ODAPH: variants seen among roughly 807,000 people sequenced by gnomAD.
ODAPH encodes the protein amelogenesis imperfecta type IIA4.
ODAPH carries 2 observed loss-of-function variants against 2.8 expected under a neutral mutation model. That is an observed-to-expected ratio of 0.72 (90% CI 0.30 to 2.28). The LOEUF (loss-of-function observed/expected upper bound fraction) is 2.28. ODAPH is among the 30% of genes most tolerant of loss of function. The pLI is 0.13. For missense variants in ODAPH, 159 were observed against 163.3 expected (o/e 0.97, Z 0.14); for synonymous variants, 75 against 60.3 (o/e 1.24, Z -1.13).
chr4:75,561,772 A>G (rs887690411), intron 1 of ODAPH, among the ~76,000 whole-genome samples: 11 of 150,280 alleles, frequency 7.3e-5, no homozygotes, highest in African/African-American at 2.7e-4. Flanking sequence ...ACTTGAACCC[A>G]GGAGGTGGAG....
rs144794509 is a variant in ODAPH, at chr4:75,564,015, A to G, written c.68-99A>G. Reference sequence around the variant, plus strand: ...TTCAAATATACATTGAGATTTCTCTAATTCTCTCTTCCCATCTTTCTCCTC... The same window carrying G: ...TTCAAATATACATTGAGATTTCTCTGATTCTCTCTTCCCATCTTTCTCCTC... On this transcript the variant is annotated intron_variant, in intron 1 of 1. Transcript: ENST00000311623. 1.1e-3 allele frequency: 1,142 copies of G among 1,042,674 alleles called. 6 individuals carry two copies. In the African/African-American group the frequency reaches 0.016, roughly 15 times the overall value. The allele number at this position is 1,042,674 out of a possible 1,614,324, so 64.6% of individuals were successfully genotyped here.
chr4:75,564,926 G>A (rs746961001), downstream of ODAPH: 6 of 200,120 alleles, frequency 3.0e-5, no homozygotes, highest in Non-Finnish European at 6.1e-5. Context: ...CAATTAAAAA[G>A]TTATGAGGAG....
rs755570735 is a variant in ODAPH at position 75,556,125 on chromosome 4, T to C, written c.43T>C (p.Trp15Arg). The C allele has an allele frequency of 1.6e-5, 26 of 1,614,218 alleles. 2 individuals carry two copies. In the South Asian group the frequency reaches 2.6e-4, roughly 16 times the overall value. ...CTTCTCCTACTGGTTACTGGTATGC[T>C]GGTTGGTGGTAACTGTGGCAGAAGG... ...HCFSYWLLVC[W>R]LVVTVAEGQE... is the part of the protein sequence containing the mutation. Residue 15 changes from tryptophan to arginine, a missense_variant, in exon 1 of 2, where the codon TGG becomes CGG. By Grantham distance (101) the Trp-to-Arg change is moderately radical. Coordinates refer to ENST00000311623, the MANE Select transcript of ODAPH (RefSeq NM_178497.5).
intron 1 of ODAPH, 83 bp downstream of exon 1, chr4:75,556,232 G>T: frequency 7.6e-7 from 1 of 1,307,986 alleles, no homozygotes. Flanking sequence ...ATGATTATAC[G>T]TTCCCATAAA....
At chr4:75,558,513 A>T (rs1727434529) in intron 1 of ODAPH, among the ~76,000 whole-genome samples, 1 of 82,444 alleles carries the variant, frequency 1.2e-5, no homozygotes, top group Non-Finnish European at 2.6e-5. Flanking sequence ...AGGTAATTAT[A>T]AAAAAAAAAA....
chr4:75,561,640 A>G (rs1193482233), intron 1 of ODAPH, among the ~76,000 whole-genome samples: 1 of 152,156 alleles, frequency 6.6e-6, no homozygotes, highest in Non-Finnish European at 1.5e-5. Flanking sequence ...TGAGGTCAGG[A>G]GTTTGAGACC....
chr4:75,562,015 A>G (rs1298852809), intron 1 of ODAPH, among the ~76,000 whole-genome samples: 2 of 152,126 alleles, frequency 1.3e-5, no homozygotes, highest in Non-Finnish European at 2.9e-5. Context: ...CTGACACTCC[A>G]GCCCCTGCCC....
rs777519994 is a variant in ODAPH, at chr4:75,564,556, G to T, written c.*117G>T. On this transcript the variant is annotated 3_prime_UTR_variant, in exon 2 of 2. Coordinates refer to ENST00000311623, the MANE Select transcript of ODAPH (RefSeq NM_178497.5). The stretch of plus-strand genomic sequence containing the variant: ...TAAAACTATTGGATTTGAAGATTAA[G>T]TATCCTAAACATCACTGACTAGAAA... 3.2e-6 allele frequency: 5 copies of T among 1,581,952 alleles called. No homozygotes were observed. In the African/African-American group the frequency reaches 6.7e-5, roughly 21 times the overall value.
chr4:75,560,358 G>C (rs909685063), intron 1 of ODAPH, among the ~76,000 whole-genome samples: 1 of 152,158 alleles, frequency 6.6e-6, no homozygotes, highest in African/African-American at 2.4e-5. Flanking sequence ...GATAGCAAAG[G>C]TTTAGAAGAT....
chr4:75,557,630 A>T (rs1560559155), intron 1 of ODAPH, among the ~76,000 whole-genome samples: 1 of 152,120 alleles, frequency 6.6e-6, no homozygotes. Context: ...CAAGAGTGAA[A>T]CTCTGTCTCA....
chr4:75,562,774 G>A (rs1402171774), intron 1 of ODAPH, among the ~76,000 whole-genome samples: 2 of 152,072 alleles, frequency 1.3e-5, no homozygotes, highest in Non-Finnish European at 2.9e-5. Context: ...TGACACTTGG[G>A]TTTGATCCAA....
In ODAPH at chr4:75,559,031, C is replaced by G. The variant is rs147972436; in HGVS notation, c.67+2882C>G. On this transcript the variant is annotated intron_variant, in intron 1 of 1. Coordinates refer to ENST00000311623, the MANE Select transcript of ODAPH (RefSeq NM_178497.5). ...ATAATTTATTATTGCAGATTTTCTG[C>G]GACTGAAATTAAATACTCACTGAAC... Among the ~76,000 whole-genome samples, 629 of 152,148 alleles carry G rather than the reference C, an allele frequency of 4.1e-3. 4 individuals carry two copies. The highest frequency in any genetic ancestry group is 0.015 in the African/African-American group (611 of 41,496).
At chr4:75,563,045 G>C (rs1727652235) in intron 1 of ODAPH, among the ~76,000 whole-genome samples, 1 of 49,260 alleles carries the variant, frequency 2.0e-5, no homozygotes, top group African/African-American at 6.0e-5. Context: ...TTTTTTTTGA[G>C]ACAGAGTCTC....
At chr4:75,557,569 G>A (rs1727385239) in intron 1 of ODAPH, among the ~76,000 whole-genome samples, 1 of 152,192 alleles carries the variant, frequency 6.6e-6, no homozygotes, top group African/African-American at 2.4e-5. Context: ...AACCCAGGAG[G>A]TGGAGGTTGC....
At position 75,564,679 on chromosome 4, in the gene ODAPH, G is replaced by C. The variant is rs2306173; in HGVS notation, c.*240G>C. ...GTTATTTTTATCCTCAACCTCTTAT[G>C]GTCACAGGATATTTATGCAAATAAA... On this transcript the variant is annotated 3_prime_UTR_variant, in exon 2 of 2. Coordinates refer to ENST00000311623, the MANE Select transcript of ODAPH (RefSeq NM_178497.5). 205 of 742,478 alleles carry C rather than the reference G, an allele frequency of 2.8e-4. No homozygotes were observed. In the East Asian group the frequency reaches 5.1e-3, roughly 18 times the overall value. The allele number at this position is 742,478 out of a possible 1,614,324, so 46.0% of individuals were successfully genotyped here. A position where few individuals can be genotyped will look rare whatever the true frequency, so the allele number is the denominator to read the frequency against.
At chr4:75,565,798 G>C (rs1020719092), downstream of ODAPH, 2 of 151,948 alleles carry the variant, frequency 1.3e-5, no homozygotes, top group African/African-American at 4.8e-5. Flanking sequence ...AAAGGACTTT[G>C]GGAATGGTTG....
chr4:75,564,664 T>C lies in ODAPH; in HGVS notation c.*225T>C, dbSNP rs540783201. ...TTGGACAATAACCACGTTATTTTTA[T>C]CCTCAACCTCTTATGGTCACAGGAT... On this transcript the variant is annotated 3_prime_UTR_variant, in exon 2 of 2. Transcript: ENST00000311623. The C allele has an allele frequency of 1.2e-5, 10 of 834,264 alleles. No homozygotes were observed. Among genetic ancestry groups the C allele is most frequent in the African/African-American group, 6.9e-5 (4 of 58,074 alleles). 51.7% of individuals were successfully genotyped at this position (834,264 alleles called of 1,614,324 possible).
intron 1 of ODAPH, among the ~76,000 whole-genome samples, chr4:75,562,817 C>G (rs954720888): frequency 6.6e-6 from 1 of 152,102 alleles, no homozygotes; most frequent in African/African-American, 2.4e-5. Flanking sequence ...TATCCTGGTT[C>G]TCAGTGCTCT....
At chr4:75,558,321 A>G (rs912339756) in intron 1 of ODAPH, among the ~76,000 whole-genome samples, 4 of 152,254 alleles carry the variant, frequency 2.6e-5, no homozygotes, top group African/African-American at 9.6e-5. Context: ...TGAGTAAATC[A>G]ATCATAGAAC....
Sources: allele counts gnomAD v4.1 joint callset (sites outside exome capture counted in the v4.1 genomes callset), GRCh38; gene constraint gnomAD v4.1.1; transcripts MANE v1.5; gene names NCBI Gene and HGNC (gene_info 2026-07-23, HGNC 2026-07-21).